Variants in TENM2 observed in about 807,000 individuals in gnomAD.
TENM2 encodes teneurin transmembrane protein 2.
Under a neutral mutation model 245.2 loss-of-function variants are expected in TENM2, and 52 were observed. The ratio of observed to expected loss-of-function variants is 0.21; its 90% confidence interval spans 0.17 to 0.27. The LOEUF (loss-of-function observed/expected upper bound fraction) is 0.27. Among genes scored for constraint, TENM2 ranks in the 10% least tolerant of loss-of-function variants. The probability of loss-of-function intolerance (pLI) is 1.00; values close to 1 mark genes in which losing one functional copy is unlikely to be tolerated. For synonymous variants in TENM2, 1,363 were observed against 1,438.9 expected (o/e 0.95, Z 1.19); for missense variants, 3,046 against 3,666.8 (o/e 0.83, Z 4.37).
At chr5:167,171,200 T>C in the TENM2 span, among the ~76,000 whole-genome samples, 54 of 152,314 alleles carry the variant, frequency 3.5e-4, no homozygotes, top group African/African-American at 1.2e-3. Flanking sequence ...TAGTCTCTTT[T>C]CCTGCCTTGA....
chr5:168,074,957 A>G (rs1263969785), intron 7 of TENM2, among the ~76,000 whole-genome samples: 1 of 152,130 alleles, frequency 6.6e-6, no homozygotes, highest in African/African-American at 2.4e-5. Context: ...ATTTCAACAG[A>G]TTTTGGCTAA....
chr5:167,389,132 T>C (rs938245925), intron 2 of TENM2, among the ~76,000 whole-genome samples: 8 of 151,932 alleles, frequency 5.3e-5, no homozygotes, highest in Non-Finnish European at 1.0e-4. Context: ...ATCTTTATGC[T>C]GCCCAAAGTA....
At chr5:168,015,146 A>G (rs1785550487) in intron 5 of TENM2, among the ~76,000 whole-genome samples, 1 of 152,216 alleles carries the variant, frequency 6.6e-6, no homozygotes, top group African/African-American at 2.4e-5. Flanking sequence ...CCTCTCAAGT[A>G]AAGGACCGAA....
At chr5:168,163,982 C>G (rs1757985171) in intron 13 of TENM2, among the ~76,000 whole-genome samples, 1 of 152,070 alleles carries the variant, frequency 6.6e-6, no homozygotes, top group Non-Finnish European at 1.5e-5. Context: ...CCCAGTAAAA[C>G]TTGTTTAATC....
chr5:167,993,024 C>T (rs777076260), exon 5 of TENM2: 32 of 1,613,868 alleles, frequency 2.0e-5, no homozygotes, highest in Middle Eastern at 1.6e-4. Flanking sequence ...ACCTCAGGAA[C>T]GGTTTACACG....
chr5:167,334,971 G>A (rs1757670955), intron 1 of TENM2, among the ~76,000 whole-genome samples: 1 of 152,134 alleles, frequency 6.6e-6, no homozygotes, highest in Non-Finnish European at 1.5e-5. Flanking sequence ...GAACCTCTCA[G>A]GTTATCATAA....
intron 7 of TENM2, among the ~76,000 whole-genome samples, chr5:168,079,017 C>G (rs926380586): frequency 6.6e-6 from 1 of 151,932 alleles, no homozygotes; most frequent in Non-Finnish European, 1.5e-5. Context: ...AAATTACCTT[C>G]AGCAGTATGG....
the TENM2 span, among the ~76,000 whole-genome samples, chr5:167,180,924 C>T: frequency 2.6e-5 from 4 of 151,112 alleles, no homozygotes; most frequent in South Asian, 4.2e-4. Flanking sequence ...GAAAGGCAGG[C>T]ACGCTGGCTG....
intron 2 of TENM2, among the ~76,000 whole-genome samples, chr5:167,677,456 T>C (rs1395226074): frequency 6.6e-6 from 1 of 151,828 alleles, no homozygotes; most frequent in Non-Finnish European, 1.5e-5. Flanking sequence ...TGGTTTCTCT[T>C]GGTTGGTAGG....
chr5:167,259,206 A>G, the TENM2 span, among the ~76,000 whole-genome samples: 1 of 152,178 alleles, frequency 6.6e-6, no homozygotes, highest in African/African-American at 2.4e-5. Flanking sequence ...GGAGTCAAGC[A>G]GGTAATGCGA....
chr5:167,526,360 G>GCACACACACACA (rs72349867), intron 2 of TENM2, among the ~76,000 whole-genome samples: 2,723 of 144,122 alleles, frequency 0.019, 69 homozygotes, highest in African/African-American at 0.056. Flanking sequence ...TTAAGAAATA[G>GCACACACACACA]CACACACACA....
intron 2 of TENM2, among the ~76,000 whole-genome samples, chr5:167,707,404 A>G (rs1030746429): frequency 2.0e-5 from 3 of 152,252 alleles, no homozygotes; most frequent in Non-Finnish European, 4.4e-5. Flanking sequence ...TTTGCTGCAC[A>G]GAAGCTTTTT....
chr5:167,742,428 G>A (rs1272810995), intron 2 of TENM2, among the ~76,000 whole-genome samples: 2 of 150,486 alleles, frequency 1.3e-5, no homozygotes, highest in Admixed American at 6.6e-5. Flanking sequence ...TCTAAAAATA[G>A]TATTTCCTGA....
intron 2 of TENM2, among the ~76,000 whole-genome samples, chr5:167,414,079 T>A (rs1025108834): frequency 1.3e-5 from 2 of 152,170 alleles, no homozygotes; most frequent in African/African-American, 4.8e-5. Context: ...GACATTTTAC[T>A]GAATTTATAC....
chr5:167,119,786 T>C, the TENM2 span, among the ~76,000 whole-genome samples: 1 of 152,226 alleles, frequency 6.6e-6, no homozygotes, highest in Non-Finnish European at 1.5e-5. Context: ...GCCACTGTGC[T>C]GGTCGTGGAG....
chr5:167,259,170 C>A, the TENM2 span, among the ~76,000 whole-genome samples: 69 of 152,072 alleles, frequency 4.5e-4, no homozygotes, highest in Non-Finnish European at 8.4e-4. Context: ...TATAGTAGAC[C>A]GAGGTAAAAA....
Position 168,260,482 on chromosome 5 carries a change from G to A in TENM2, c.7563+69G>A. ...TCCCTTTTGCAAACAGAACCTCATG[G>A]GAGCCAGGGGCATGTCAGCGCAGGA... On this transcript the variant is annotated intron_variant, in intron 28 of 28. Coordinates refer to ENST00000518659, the Ensembl canonical transcript of TENM2. 7 of 1,571,418 alleles carry A rather than the reference G, an allele frequency of 4.5e-6. No homozygotes were observed. The Admixed American group carries it at 1.2e-4, about 27-fold the overall frequency.
chr5:167,756,162 G>T (rs1469538705), intron 2 of TENM2, among the ~76,000 whole-genome samples: 1 of 152,096 alleles, frequency 6.6e-6, no homozygotes, highest in African/African-American at 2.4e-5. Context: ...TTATGTATAT[G>T]AACTGTGGGT....
chr5:168,102,857 C>G (rs1793930996), intron 9 of TENM2, among the ~76,000 whole-genome samples: 1 of 152,164 alleles, frequency 6.6e-6, no homozygotes, highest in Non-Finnish European at 1.5e-5. Flanking sequence ...TATTTGTCTT[C>G]ATATCAATGA....
Sources: gnomAD v4.1 joint callset for allele counts (sites outside exome capture counted in the v4.1 genomes callset) on GRCh38, gnomAD v4.1.1 for gene constraint, MANE v1.5 for transcripts, NCBI Gene and HGNC (gene_info 2026-07-23, HGNC 2026-07-21) for gene names.